The following COL4A1 variants were observed in gnomAD, a reference collection of about 807,000 sequenced individuals.
COL4A1 encodes collagen type IV alpha 1 chain.
In COL4A1, 40 loss-of-function variants were observed where a neutral mutation model predicts 216.6. That is an observed-to-expected ratio of 0.18 (90% CI 0.14 to 0.24). The LOEUF is 0.24. Among genes scored for constraint, COL4A1 ranks in the 10% least tolerant of loss-of-function variants. The pLI, the probability that COL4A1 is intolerant of heterozygous loss-of-function variation, is 1.00. For synonymous variants in COL4A1, 839 were observed against 810.7 expected (o/e 1.03, Z -0.59); for missense variants, 1,628 against 2,196.8 (o/e 0.74, Z 5.18).
intron 46 of COL4A1, 35 bp from the exon 47 acceptor site, chr13:110,163,596 T>A (rs369407797): frequency 1.3e-6 from 2 of 1,561,402 alleles, no homozygotes; most frequent in Non-Finnish European, 1.8e-6. Context: ...TGATCCTGTA[T>A]GGCAGTAAGC....
At chr13:110,228,797 T>C (rs1308958150) in intron 2 of COL4A1, among the ~76,000 whole-genome samples, 2 of 152,304 alleles carry the variant, frequency 1.3e-5, no homozygotes, top group East Asian at 3.9e-4. Context: ...AAGATTTAAA[T>C]AGAGTGACTT....
At chr13:110,190,846 C>A (rs1408249132) in intron 24 of COL4A1, 1 of 152,140 alleles carries the variant, frequency 6.6e-6, no homozygotes, top group Non-Finnish European at 1.5e-5. Flanking sequence ...TGTATGTTTT[C>A]TTTCTTTTCT....
At chr13:110,249,425 C>T (rs1319304089) in intron 1 of COL4A1, among the ~76,000 whole-genome samples, 2 of 152,124 alleles carry the variant, frequency 1.3e-5, no homozygotes, top group Admixed American at 6.5e-5. Flanking sequence ...GACTGAGAAA[C>T]GATGGGGTAT....
At position 110,192,919 on chromosome 13, in the gene COL4A1, A is replaced by T. The variant is rs1878707985; in HGVS notation, c.1382-6T>A. The T allele has an allele frequency of 6.2e-7, 1 of 1,613,976 alleles. No homozygotes were observed. The highest frequency in any genetic ancestry group is 8.5e-7 in the Non-Finnish European group (1 of 1,179,916). On this transcript the variant is annotated splice_polypyrimidine_tract_variant and splice_region_variant and intron_variant, in intron 22 of 51. Coordinates refer to ENST00000375820, the MANE Select transcript of COL4A1 (RefSeq NM_001845.6). The stretch of plus-strand genomic sequence containing the variant: ...GCAACTCTCTCCTTTTTGACCTAAA[A>T]AAGAAAACACAAAGGTGCTTACGTG...
chr13:110,201,611 A>C (rs769336415), intron 18 of COL4A1, 89 bp from the exon 19 acceptor site: 1 of 1,105,868 alleles, frequency 9.0e-7, no homozygotes, highest in East Asian at 2.3e-5. Flanking sequence ...AAATGTACAT[A>C]TTTGTTTTTA....
rs150585182 is a variant in COL4A1 at position 110,261,677 on chromosome 13, G to A, written c.85-18943C>T. On this transcript the variant is annotated intron_variant, in intron 1 of 51. Coordinates refer to ENST00000375820, the MANE Select transcript of COL4A1 (RefSeq NM_001845.6). ...CCAAGGGGAATTCCTCAAGCCATCTGGGGATTTGCATCAGAGCTGAGGGCG... is the reference window on the plus strand; with the variant it reads ...CCAAGGGGAATTCCTCAAGCCATCTAGGGATTTGCATCAGAGCTGAGGGCG... 7.8e-3 allele frequency among the ~76,000 whole-genome samples: 1,189 copies of A among 152,336 alleles called. 11 individuals carry two copies. The highest frequency in any genetic ancestry group is 0.029 in the South Asian group (139 of 4,826).
chr13:110,214,210 C>T (rs1205685008), intron 2 of COL4A1, among the ~76,000 whole-genome samples, 195 bp from the exon 3 acceptor site: 1 of 152,162 alleles, frequency 6.6e-6, no homozygotes, highest in Non-Finnish European at 1.5e-5. Context: ...CCTGCCTCAG[C>T]CTCCCGGGTA....
rs548862332 is a variant in COL4A1 at position 110,150,272 on chromosome 13, G to A, written c.*91C>T. Reference sequence around the variant, plus strand: ...TTACGGTTTTCATATTGGACAGTGAGGTACACAGGATATATTTCTAGGGTT... The same window carrying A: ...TTACGGTTTTCATATTGGACAGTGAAGTACACAGGATATATTTCTAGGGTT... On this transcript the variant is annotated 3_prime_UTR_variant, in exon 52 of 52. Transcript: ENST00000375820. 2 of 1,209,178 alleles carry A rather than the reference G, an allele frequency of 1.7e-6. No individual in the cohort carries two copies. The highest frequency in any genetic ancestry group is 2.5e-5 in the East Asian group (1 of 39,660). 74.9% of individuals were successfully genotyped at this position (1,209,178 alleles called of 1,614,324 possible). A position where few individuals can be genotyped will look rare whatever the true frequency, so the allele number is the denominator to read the frequency against.
At chr13:110,222,772 TAAAAAAAAAAAAAA>T (rs943734573) in intron 2 of COL4A1, among the ~76,000 whole-genome samples, 1 of 92,074 alleles carries the variant, frequency 1.1e-5, no homozygotes, top group African/African-American at 4.3e-5. Flanking sequence ...GACTCTGCTT[TAAAAAAAAAAAAAA>T]AAAAAAAAAA....
intron 2 of COL4A1, among the ~76,000 whole-genome samples, chr13:110,228,783 A>G (rs1057192623): frequency 6.6e-6 from 1 of 152,266 alleles, no homozygotes; most frequent in Admixed American, 6.5e-5. Context: ...TAAGAAAGTC[A>G]GGCAAGATTT....
intron 1 of COL4A1, among the ~76,000 whole-genome samples, chr13:110,284,141 C>G (rs1883747019): frequency 6.6e-6 from 1 of 152,232 alleles, no homozygotes; most frequent in Admixed American, 6.5e-5. Flanking sequence ...CAATTTCACA[C>G]CCAGACAGGA....
rs1566416162 is a variant in COL4A1, at chr13:110,252,583, CGTAT to C, written c.85-9853_85-9850del. Among the ~76,000 whole-genome samples, 38 of 36,416 alleles carry C rather than the reference CGTAT, an allele frequency of 1.0e-3. 12 individuals are homozygous for C. The highest frequency in any genetic ancestry group is 3.1e-3 in the Admixed American group (8 of 2,616). 23.9% of individuals were successfully genotyped at this position (36,416 alleles called of 152,430 possible). ...ATTATACGTATATATGTATTATATA[CGTAT>C]AATTATACGTATATATGTATTATAT... On this transcript the variant is annotated intron_variant, in intron 1 of 51. Transcript: ENST00000375820.
chr13:110,186,424 C>T lies in COL4A1; in HGVS notation c.1858G>A (p.Ala620Thr), dbSNP rs372803920. The T allele has an allele frequency of 6.2e-7, 1 of 1,613,750 alleles. No homozygotes were observed. Among genetic ancestry groups the T allele is most frequent in the Non-Finnish European group, 8.5e-7 (1 of 1,180,034 alleles). ...GATCCAGGGCCTCCAGGAAAGCCTG[C>T]TTGTCCTTTGTCACCAATGGGACCA... ...PAGPIGDKGQ[A>T]GFPGGPGSPG... The change falls in exon 26 of 52, where the codon GCA becomes ACA. Residue 620 changes from alanine (A) to threonine (T), a missense_variant. Coordinates refer to ENST00000375820, the MANE Select transcript of COL4A1 (RefSeq NM_001845.6).
At chr13:110,244,779 T>C (rs1047279137) in intron 1 of COL4A1, among the ~76,000 whole-genome samples, 1 of 152,124 alleles carries the variant, frequency 6.6e-6, no homozygotes, top group Non-Finnish European at 1.5e-5. Flanking sequence ...CAGGCTCCCG[T>C]AGCATTGAGC....
chr13:110,270,835 C>T (rs1428334309), intron 1 of COL4A1, among the ~76,000 whole-genome samples: 4 of 152,146 alleles, frequency 2.6e-5, no homozygotes, highest in Non-Finnish European at 4.4e-5. Flanking sequence ...CATGCCTAGC[C>T]CCCCTAACTT....
In COL4A1 at chr13:110,268,684, G is replaced by C. The variant is rs189487963; in HGVS notation, c.85-25950C>G. Among the ~76,000 whole-genome samples the C allele has an allele frequency of 1.6e-3, 241 of 152,288 alleles. 1 individual carries two copies. The highest frequency in any genetic ancestry group is 5.5e-3 in the African/African-American group (229 of 41,552). ...AAGGGGCTCTACCTCTCCAAACCCG[G>C]GTGCCTTGTCCATGACCCCATGTGG... On this transcript the variant is annotated intron_variant, in intron 1 of 51. Transcript: ENST00000375820. The surrounding 1 kb of genome is among the most constrained non-coding windows in gnomAD (Gnocchi z 4.1).
rs1566416225 is a variant in COL4A1 at position 110,252,607 on chromosome 13, T to TA, written c.85-9874_85-9873insT. Among the ~76,000 whole-genome samples, 100 of 34,768 alleles carry TA rather than the reference T, an allele frequency of 2.9e-3. 48 individuals are homozygous for TA. The highest frequency in any genetic ancestry group is 8.8e-3 in the Admixed American group (18 of 2,052). 22.8% of individuals were successfully genotyped at this position (34,768 alleles called of 152,430 possible). A position where few individuals can be genotyped will look rare whatever the true frequency, so the allele number is the denominator to read the frequency against. ...ACGTATAATTATACGTATATATGTA[T>TA]TATATATGTATAATTGTATATATTA... On this transcript the variant is annotated intron_variant, in intron 1 of 51. Coordinates refer to ENST00000375820, the MANE Select transcript of COL4A1 (RefSeq NM_001845.6).
At chr13:110,236,790 C>T (rs1209878336) in intron 2 of COL4A1, among the ~76,000 whole-genome samples, 14 of 152,232 alleles carry the variant, frequency 9.2e-5, no homozygotes, top group Non-Finnish European at 5.9e-5. Context: ...AGGCTTACTT[C>T]AAAATGCCTT....
At position 110,242,570 on chromosome 13, in the gene COL4A1, G is replaced by A. The variant is rs1434100242; in HGVS notation, c.144+105C>T. ...TTGCTCTGGGGAAATTATCAAAACA[G>A]TAATAAGGCTTTCACCTGAATTGCT... On this transcript the variant is annotated intron_variant, in intron 2 of 51. Transcript: ENST00000375820. The A allele has an allele frequency of 2.3e-6, 3 of 1,286,242 alleles. No individual in the cohort carries two copies. The African/African-American group carries it at 4.4e-5, about 19-fold the overall frequency. 79.7% of individuals were successfully genotyped at this position (1,286,242 alleles called of 1,614,324 possible).
Sources: allele counts gnomAD v4.1 joint callset (sites outside exome capture counted in the v4.1 genomes callset), GRCh38; gene constraint gnomAD v4.1.1; non-coding constraint Gnocchi (gnomAD v3.1); transcripts MANE v1.5; gene names NCBI Gene and HGNC (gene_info 2026-07-23, HGNC 2026-07-21).